Variants in PLEKHM3 observed in about 807,000 individuals in gnomAD.
PLEKHM3 encodes the protein pleckstrin homology domain-containing family M member 3.
In PLEKHM3, 45 loss-of-function variants were observed where a neutral mutation model predicts 81.8. That is an observed-to-expected ratio of 0.55 (90% CI 0.43 to 0.71). The LOEUF (loss-of-function observed/expected upper bound fraction) is 0.71, where lower values mean the gene tolerates loss of function less well. Among genes scored for constraint, PLEKHM3 ranks in the 30% least tolerant of loss-of-function variants. The probability of loss-of-function intolerance (pLI) is 0.00; values close to 1 mark genes in which losing one functional copy is unlikely to be tolerated. For missense variants in PLEKHM3, 788 were observed against 924.3 expected (o/e 0.85, Z 1.91); for synonymous variants, 352 against 356.4 (o/e 0.99, Z 0.14).
chr2:207,915,671 T>C (rs1286144216), intron 5 of PLEKHM3, among the ~76,000 whole-genome samples: 1 of 152,174 alleles, frequency 6.6e-6, no homozygotes, highest in East Asian at 1.9e-4. Flanking sequence ...TACACACATG[T>C]AAAATTAAAA....
chr2:207,951,052 T>A (rs1294275011), intron 3 of PLEKHM3, among the ~76,000 whole-genome samples: 1 of 151,822 alleles, frequency 6.6e-6, no homozygotes, highest in Non-Finnish European at 1.5e-5. Flanking sequence ...GAAACACGAG[T>A]TTTTTCAATT....
chr2:207,965,007 T>A (rs904982860), intron 3 of PLEKHM3, among the ~76,000 whole-genome samples: 18 of 152,290 alleles, frequency 1.2e-4, no homozygotes, highest in African/African-American at 4.3e-4. Context: ...GTGGATATAT[T>A]TTAAAATGGC....
intron 7 of PLEKHM3, among the ~76,000 whole-genome samples, chr2:207,858,827 C>T (rs1025396593): frequency 6.6e-6 from 1 of 151,960 alleles, no homozygotes; most frequent in African/African-American, 2.4e-5. Flanking sequence ...TAAAACTCAC[C>T]CCTTTAAAGT....
chr2:207,955,731 T>C (rs1003470714), intron 3 of PLEKHM3, among the ~76,000 whole-genome samples: 1 of 152,166 alleles, frequency 6.6e-6, no homozygotes, highest in Non-Finnish European at 1.5e-5. Flanking sequence ...TCTCCTTTTG[T>C]AAGACATTAG....
intron 5 of PLEKHM3, among the ~76,000 whole-genome samples, chr2:207,928,880 C>A (rs1374593193): frequency 6.6e-6 from 1 of 152,218 alleles, no homozygotes; most frequent in African/African-American, 2.4e-5. Context: ...CTCTTTCACT[C>A]ATTTTCTTAT....
chr2:207,875,704 G>A (rs2092556622), intron 6 of PLEKHM3, among the ~76,000 whole-genome samples: 1 of 152,152 alleles, frequency 6.6e-6, no homozygotes, highest in African/African-American at 2.4e-5. Context: ...AGTGTGGGTA[G>A]TGTGCACCTT....
At chr2:207,899,128 G>A (rs540564361) in intron 6 of PLEKHM3, among the ~76,000 whole-genome samples, 22 of 152,240 alleles carry the variant, frequency 1.4e-4, no homozygotes, top group African/African-American at 4.3e-4. Context: ...AATGATGTCC[G>A]CTAAGACACA....
chr2:207,847,738 C>T (rs1481832270), intron 7 of PLEKHM3, among the ~76,000 whole-genome samples: 1 of 152,172 alleles, frequency 6.6e-6, no homozygotes, highest in Admixed American at 6.5e-5. Flanking sequence ...TGAAAAGGTA[C>T]TCTACAGAGG....
At chr2:207,849,808 C>G (rs535903530) in intron 7 of PLEKHM3, among the ~76,000 whole-genome samples, 3 of 152,172 alleles carry the variant, frequency 2.0e-5, no homozygotes, top group Non-Finnish European at 4.4e-5. Context: ...AAAATGTTGT[C>G]AGTGTTCTTA....
In PLEKHM3 at chr2:207,832,359, G is replaced by A. The variant is rs189455589; in HGVS notation, c.2109-3863C>T. Among the ~76,000 whole-genome samples the A allele has an allele frequency of 2.7e-3, 412 of 152,240 alleles. 2 individuals carry two copies. Among genetic ancestry groups the A allele is most frequent in the African/African-American group, 9.3e-3 (388 of 41,552 alleles). ...AGAATAAGGGGAGGAAAAGGAAGGA[G>A]AAAGGGAAATTGTTCTCTTACATAA... On this transcript the variant is annotated intron_variant, in intron 7 of 7. Coordinates refer to ENST00000427836, the MANE Select transcript of PLEKHM3 (RefSeq NM_001080475.3).
At chr2:207,918,248 C>G (rs185352946) in intron 5 of PLEKHM3, among the ~76,000 whole-genome samples, 1 of 152,150 alleles carries the variant, frequency 6.6e-6, no homozygotes, top group Admixed American at 6.5e-5. Flanking sequence ...CAGTGCCGGG[C>G]GTGGTGGCTC....
chr2:208,006,973 A>G (rs1331263996), intron 1 of PLEKHM3, among the ~76,000 whole-genome samples: 1 of 152,232 alleles, frequency 6.6e-6, no homozygotes, highest in Non-Finnish European at 1.5e-5. Context: ...GGATGAATAC[A>G]GTAGTTCTCC....
intron 2 of PLEKHM3, among the ~76,000 whole-genome samples, chr2:207,995,656 AGCT>A (rs1167043604): frequency 6.6e-6 from 1 of 152,228 alleles, no homozygotes; most frequent in Non-Finnish European, 1.5e-5. Context: ...TCACAGGATA[AGCT>A]GCTACCTATA....
chr2:207,852,857 A>T (rs561446649), intron 7 of PLEKHM3: 2 of 425,206 alleles, frequency 4.7e-6, no homozygotes, highest in Non-Finnish European at 9.1e-6. Context: ...AAAGAAAAAA[A>T]GAAAAAAAAA....
At chr2:207,929,799 T>A in intron 5 of PLEKHM3, 1 of 591,880 alleles carries the variant, frequency 1.7e-6, no homozygotes, top group South Asian at 2.2e-5. Context: ...AGTTCTTTTT[T>A]AGATGCCCGG....
chr2:207,914,078 C>T (rs965233315), intron 5 of PLEKHM3, among the ~76,000 whole-genome samples: 7 of 152,124 alleles, frequency 4.6e-5, no homozygotes, highest in Admixed American at 1.3e-4. Context: ...CTCAACAGGG[C>T]GCAGTGGCTC....
chr2:207,859,122 C>A (rs886874214), intron 7 of PLEKHM3, among the ~76,000 whole-genome samples: 1 of 144,260 alleles, frequency 6.9e-6, no homozygotes, highest in Non-Finnish European at 1.5e-5. Context: ...TGTATCAGTA[C>A]GTTTTTTCTT....
intron 6 of PLEKHM3, among the ~76,000 whole-genome samples, chr2:207,907,759 G>T (rs1688661007): frequency 6.6e-6 from 1 of 152,150 alleles, no homozygotes; most frequent in African/African-American, 2.4e-5. Flanking sequence ...TCACAAGACT[G>T]TATAACCATC....
chr2:207,905,316 T>A (rs1688566575), intron 6 of PLEKHM3, among the ~76,000 whole-genome samples: 1 of 152,180 alleles, frequency 6.6e-6, no homozygotes, highest in Non-Finnish European at 1.5e-5. Flanking sequence ...GAAAATAATT[T>A]ACTCTAAAAC....
Sources: gnomAD v4.1 joint callset for allele counts (sites outside exome capture counted in the v4.1 genomes callset) on GRCh38, gnomAD v4.1.1 for gene constraint, MANE v1.5 for transcripts, NCBI Gene and HGNC (gene_info 2026-07-23, HGNC 2026-07-21) for gene names.